ASPH: variants seen among roughly 807,000 people sequenced by gnomAD.
ASPH encodes the protein aspartate beta-hydroxylase.
A neutral mutation model predicts 118.4 loss-of-function variants in ASPH; 100 were observed. That is an observed-to-expected ratio of 0.84 (90% CI 0.72 to 1.00). ASPH has a LOEUF of 1.00. Among genes scored for constraint, ASPH ranks in the 50% least tolerant of loss-of-function variants. ASPH has a pLI of 0.00. For missense variants in ASPH, 920 were observed against 919.5 expected (o/e 1.00, Z -0.01); for synonymous variants, 315 against 325.6 (o/e 0.97, Z 0.35).
Position 61,684,176 on chromosome 8 carries a change from C to T in ASPH, c.116G>A (p.Gly39Glu). 1 of 1,611,966 alleles carries T rather than the reference C, an allele frequency of 6.2e-7. No homozygotes were observed. Among genetic ancestry groups the T allele is most frequent in the African/African-American group, 1.3e-5 (1 of 74,916 alleles). The change falls in exon 2 of 25, where the codon GGA becomes GAA. Residue 39 changes from glycine (G) to glutamate (E), a missense_variant. Gly to Glu is a moderately conservative substitution (Grantham distance 98). Coordinates refer to ENST00000379454, the MANE Select transcript of ASPH (RefSeq NM_004318.4). Reference protein sequence around the residue: ...SPGARRETKHGGHKNGRKGGL... With the variant: ...SPGARRETKHEGHKNGRKGGL... The stretch of plus-strand genomic sequence containing the variant: ...GCCTTTCCTCCCATTCTTGTGTCCT[C>T]CATGCTTTGTCTCTGTTTAGAAATA...
At chr8:61,638,500 A>G in intron 10 of ASPH, 137 bp from the exon 11 acceptor site, 2 of 741,040 alleles carry the variant, frequency 2.7e-6, no homozygotes, top group Non-Finnish European at 4.4e-6. Flanking sequence ...ACAGCCGACT[A>G]GAGAGTAGGG....
In ASPH at chr8:61,638,310, GA is replaced by G. The variant is rs1035249571; in HGVS notation, c.832+11del. ...GACTTGCAGAAAATATGTGCTTACA[GA>G]AAAAACTTACCTGTGATTTCTATCC... On this transcript the variant is annotated intron_variant, in intron 11 of 24. Transcript: ENST00000379454. 4 of 1,595,770 alleles carry G rather than the reference GA, an allele frequency of 2.5e-6. No individual in the cohort carries two copies. The highest frequency in any genetic ancestry group is 3.4e-6 in the Non-Finnish European group (4 of 1,174,582).
At chr8:61,583,448 T>G (rs1437445092) in intron 15 of ASPH, 4 of 151,298 alleles carry the variant, frequency 2.6e-5, no homozygotes, top group Non-Finnish European at 5.8e-5. Flanking sequence ...TAATCCCAGC[T>G]ACTCAGGAGG....
chr8:61,682,391 A>G, intron 2 of ASPH: 2 of 1,561,368 alleles, frequency 1.3e-6, no homozygotes, highest in Non-Finnish European at 1.8e-6. Context: ...AGGATGAGCC[A>G]TTAGAGAGTA....
At position 61,600,341 on chromosome 8, in the gene ASPH, A is replaced by ACAG. The variant is rs1313020461; in HGVS notation, c.977-16313_977-16312insCTG. 6.1e-4 allele frequency among the ~76,000 whole-genome samples: 90 copies of ACAG among 146,562 alleles called. 1 individual carries two copies. Among genetic ancestry groups the ACAG allele is most frequent in the African/African-American group, 2.3e-3 (84 of 36,246 alleles). On this transcript the variant is annotated intron_variant, in intron 14 of 24. Coordinates refer to ENST00000379454, the MANE Select transcript of ASPH (RefSeq NM_004318.4). ...AAATAAGAAAAAGGTGTTTACTTTC[A>ACAG]CTGCTCTTGTTTAACATAGTATTGG... is the stretch of plus-strand genomic sequence containing the variant.
At chr8:61,589,894 A>G (rs912146440) in intron 14 of ASPH, among the ~76,000 whole-genome samples, 6 of 152,264 alleles carry the variant, frequency 3.9e-5, no homozygotes, top group Non-Finnish European at 5.9e-5. Context: ...AGTGGTACTA[A>G]TCTATTTGGG....
chr8:61,678,811 A>G (rs1036502818), intron 3 of ASPH, among the ~76,000 whole-genome samples: 1 of 152,106 alleles, frequency 6.6e-6, no homozygotes, highest in East Asian at 1.9e-4. Context: ...TAAAGTTTAA[A>G]CTTTACCATT....
intron 1 of ASPH, among the ~76,000 whole-genome samples, chr8:61,686,391 A>C (rs1168858373): frequency 6.6e-6 from 1 of 152,124 alleles, no homozygotes; most frequent in Non-Finnish European, 1.5e-5. Flanking sequence ...TATGTGTTGT[A>C]AGCATATAAA....
chr8:61,545,008 G>A (rs545687009), intron 21 of ASPH, among the ~76,000 whole-genome samples: 24 of 152,286 alleles, frequency 1.6e-4, no homozygotes, highest in South Asian at 1.2e-3. Context: ...GAGGGCTACC[G>A]TATGGGAAGG....
intron 14 of ASPH, among the ~76,000 whole-genome samples, chr8:61,590,556 GTGT>G (rs1212540544): frequency 8.3e-5 from 11 of 132,634 alleles, no homozygotes; most frequent in African/African-American, 2.8e-4. Context: ...AACTCTGTGT[GTGT>G]GTGTGTGTGT....
rs183673628 is a variant in ASPH at position 61,642,657 on chromosome 8, G to A, written c.790+231C>T. Reference sequence around the variant, plus strand: ...AAGGCGGGAGGATCACCTGAGATCGGGAGTTTGAGATAAACCCTAAAATAC... The same window carrying A: ...AAGGCGGGAGGATCACCTGAGATCGAGAGTTTGAGATAAACCCTAAAATAC... On this transcript the variant is annotated intron_variant, in intron 10 of 24. Coordinates refer to ENST00000379454, the MANE Select transcript of ASPH (RefSeq NM_004318.4). Among the ~76,000 whole-genome samples the A allele has an allele frequency of 3.9e-5, 6 of 152,088 alleles. No homozygotes were observed. The South Asian group carries it at 8.3e-4, about 21-fold the overall frequency.
Position 61,714,468 on chromosome 8 carries a change from G to A in ASPH, c.-97C>T. The A allele has an allele frequency of 7.3e-7, 1 of 1,362,554 alleles. No individual in the cohort carries two copies. Among genetic ancestry groups the A allele is most frequent in the Non-Finnish European group, 9.4e-7 (1 of 1,058,504 alleles). The allele number at this position is 1,362,554 out of a possible 1,614,324, so 84.4% of individuals were successfully genotyped here. A position where few individuals can be genotyped will look rare whatever the true frequency, so the allele number is the denominator to read the frequency against. ...GAACCGCTGGCGGCGGCGGGCCGCT[G>A]GAGCGGGTTCGGGCCGCTGCTCCTG... On this transcript the variant is annotated 5_prime_UTR_variant, in exon 1 of 25. Transcript: ENST00000379454.
intron 3 of ASPH, among the ~76,000 whole-genome samples, chr8:61,678,797 C>A (rs1044847603): frequency 1.1e-4 from 16 of 152,086 alleles, no homozygotes; most frequent in Admixed American, 9.2e-4. Context: ...AAAACCTAAA[C>A]CCTTAAAGTT....
intron 10 of ASPH, among the ~76,000 whole-genome samples, chr8:61,641,160 T>C (rs1468700275): frequency 6.6e-6 from 1 of 152,200 alleles, no homozygotes; most frequent in Non-Finnish European, 1.5e-5. Context: ...TAGGTTATAT[T>C]TACTGCCTTT....
chr8:61,665,121 C>T, intron 3 of ASPH: 2 of 1,447,236 alleles, frequency 1.4e-6, no homozygotes, highest in Non-Finnish European at 1.8e-6. Context: ...ACTTGCTAAG[C>T]ACCAATGATA....
At chr8:61,665,656 T>G (rs1335443591) in intron 3 of ASPH, 1 of 1,504,070 alleles carries the variant, frequency 6.6e-7, no homozygotes, top group African/African-American at 1.4e-5. Context: ...CAGGATCTCT[T>G]AATCACAGAA....
chr8:61,659,884 C>G (rs1490144083), intron 3 of ASPH: 2 of 152,068 alleles, frequency 1.3e-5, no homozygotes, highest in African/African-American at 4.8e-5. Flanking sequence ...TATTTATTAT[C>G]AAGTCAACAT....
intron 15 of ASPH, among the ~76,000 whole-genome samples, chr8:61,581,903 G>C (rs1303698541): frequency 6.6e-6 from 1 of 152,068 alleles, no homozygotes; most frequent in African/African-American, 2.4e-5. Flanking sequence ...TAGAGGATTG[G>C]AATATAATCT....
intron 14 of ASPH, among the ~76,000 whole-genome samples, chr8:61,585,049 G>A (rs148031791): frequency 1.3e-5 from 2 of 152,250 alleles, no homozygotes; most frequent in East Asian, 1.9e-4. Context: ...AATCCTTCAC[G>A]CGCTTATCTT....
Sources: allele counts gnomAD v4.1 joint callset (sites outside exome capture counted in the v4.1 genomes callset), GRCh38; gene constraint gnomAD v4.1.1; transcripts MANE v1.5; gene names NCBI Gene and HGNC (gene_info 2026-07-23, HGNC 2026-07-21).